The following CDK5RAP2 variants were observed in gnomAD, a reference collection of about 807,000 sequenced individuals.
The protein encoded by CDK5RAP2 is CDK5 regulatory subunit-associated protein 2.
CDK5RAP2 carries 147 observed loss-of-function variants against 232.9 expected under a neutral mutation model. That is an observed-to-expected ratio of 0.63 (90% CI 0.55 to 0.72). The LOEUF (loss-of-function observed/expected upper bound fraction) is 0.72. Among genes scored for constraint, CDK5RAP2 ranks in the 30% least tolerant of loss-of-function variants. CDK5RAP2 has a pLI of 0.00. For synonymous variants in CDK5RAP2, 833 were observed against 833.7 expected, an observed-to-expected ratio of 1.00 and a Z score of 0.01; for missense variants, 2,195 against 2,231.5, an observed-to-expected ratio of 0.98 and a Z score of 0.33.
chr9:120,491,722 CAGAA>C (rs1261979328), intron 12 of CDK5RAP2, among the ~76,000 whole-genome samples: 1 of 151,900 alleles, frequency 6.6e-6, no homozygotes, highest in African/African-American at 2.4e-5. Context: ...GCTGGAAAAC[CAGAA>C]AGAAACTAGA....
At chr9:120,413,834 G>GGGAA (rs1165746229) in intron 28 of CDK5RAP2, among the ~76,000 whole-genome samples, 31 of 148,952 alleles carry the variant, frequency 2.1e-4, no homozygotes, top group East Asian at 4.0e-4. Flanking sequence ...GGAGGGAGGA[G>GGGAA]GGAGGAGGGA....
At chr9:120,501,213 C>T (rs2039559947) in intron 12 of CDK5RAP2, among the ~76,000 whole-genome samples, 1 of 152,208 alleles carries the variant, frequency 6.6e-6, no homozygotes, top group African/African-American at 2.4e-5. Context: ...TCCTCTTACA[C>T]ACCAGGTCAG....
Position 120,453,892 on chromosome 9 carries a change from AG to A in CDK5RAP2, c.2376-20del. On this transcript the variant is annotated intron_variant, in intron 20 of 37. Coordinates refer to ENST00000349780, the MANE Select transcript of CDK5RAP2 (RefSeq NM_018249.6). ...GTCTGGCCTGTTTTTCCAAAAGGGA[AG>A]GAAGTGGGAGAACCAAGCTTTCTGC... The A allele has an allele frequency of 1.2e-6, 2 of 1,613,640 alleles. No individual in the cohort carries two copies. The highest frequency in any genetic ancestry group is 1.7e-6 in the Non-Finnish European group (2 of 1,179,694).
chr9:120,516,792 G>A (rs981568835), intron 12 of CDK5RAP2, among the ~76,000 whole-genome samples: 2 of 152,210 alleles, frequency 1.3e-5, no homozygotes, highest in African/African-American at 2.4e-5. Context: ...GCATGCCACC[G>A]CACTCCAGTC....
intron 32 of CDK5RAP2, among the ~76,000 whole-genome samples, 165 bp from the exon 33 acceptor site, chr9:120,404,278 G>C (rs1384033726): frequency 6.6e-6 from 1 of 152,156 alleles, no homozygotes; most frequent in Non-Finnish European, 1.5e-5. Flanking sequence ...ACCTTTGTGG[G>C]ACACCAGGGA....
chr9:120,399,055 G>A (rs1307732391), intron 35 of CDK5RAP2, among the ~76,000 whole-genome samples: 1 of 152,146 alleles, frequency 6.6e-6, no homozygotes, highest in East Asian at 1.9e-4. Flanking sequence ...CATCTCAAAG[G>A]TCCTTTTTCT....
rs1199464590 is a variant in CDK5RAP2 at position 120,409,146 on chromosome 9, T to C, written c.4585A>G (p.Ser1529Gly). ...CACTACCTGCTCAGCTCCTGGCCGC[T>C]GCAGCGGACCTCCTGGATCAGCTGC... is the stretch of plus-strand genomic sequence containing the variant. ...NQQLIQEVRC[S>G]GQELSRVQEE... The change falls in exon 30 of 38, where the codon AGC (serine) becomes GGC (glycine). Residue 1529 changes from serine to glycine, a missense_variant. Ser to Gly is a moderately conservative substitution (Grantham distance 56). Coordinates refer to ENST00000349780, the MANE Select transcript of CDK5RAP2 (RefSeq NM_018249.6). The C allele has an allele frequency of 6.2e-7, 1 of 1,612,354 alleles. No homozygotes were observed. Among genetic ancestry groups the C allele is most frequent in the Non-Finnish European group, 8.5e-7 (1 of 1,179,994 alleles).
At chr9:120,486,575 G>A (rs1272205427) in intron 14 of CDK5RAP2, among the ~76,000 whole-genome samples, 2 of 152,170 alleles carry the variant, frequency 1.3e-5, no homozygotes, top group Non-Finnish European at 2.9e-5. Flanking sequence ...TACCCCAGAA[G>A]TGCCTGCCCA....
chr9:120,408,583 A>C, intron 30 of CDK5RAP2, 115 bp from the exon 31 acceptor site: 1 of 1,129,400 alleles, frequency 8.9e-7, no homozygotes, highest in Non-Finnish European at 1.3e-6. Flanking sequence ...TGGACCAAGA[A>C]GTGACAAGCA....
chr9:120,468,765 G>C (rs1208436114), intron 17 of CDK5RAP2, among the ~76,000 whole-genome samples: 8 of 152,232 alleles, frequency 5.3e-5, no homozygotes, highest in Non-Finnish European at 4.4e-5. Flanking sequence ...CCTGGGTCTT[G>C]CGAGGCCACA....
At position 120,550,909 on chromosome 9, in the gene CDK5RAP2, A is replaced by T. The variant is rs1335701646; in HGVS notation, c.196-7T>A. On this transcript the variant is annotated splice_region_variant and splice_polypyrimidine_tract_variant and intron_variant, in intron 3 of 37. Coordinates refer to ENST00000349780, the MANE Select transcript of CDK5RAP2 (RefSeq NM_018249.6). ...TCTTCAATTCAGTGATTTGCTGAAA[A>T]ATATCACAGAAGGGTCATCAAAAGC... 1 of 1,528,490 alleles carries T rather than the reference A, an allele frequency of 6.5e-7. No homozygotes were observed. The highest frequency in any genetic ancestry group is 9.1e-7 in the Non-Finnish European group (1 of 1,101,858). The allele number at this position is 1,528,490 out of a possible 1,614,324, so 94.7% of individuals were successfully genotyped here.
In CDK5RAP2 at chr9:120,407,194, A is replaced by C. The variant is rs2033511095; in HGVS notation, c.4781T>G (p.Leu1594Arg). ...GQDPFRDLHS[L>R]LMEIQALRLQ... Reference sequence around the variant, plus strand: ...GCGCAGAGCCTGGATCTCCATCAGGAGGCTGTGCAGGTCCCTGAAAGGATC... The same window carrying C: ...GCGCAGAGCCTGGATCTCCATCAGGCGGCTGTGCAGGTCCCTGAAAGGATC... The change falls in exon 32 of 38, where the codon CTC (leucine) becomes CGC (arginine). Residue 1594 changes from leucine to arginine, a missense_variant. Transcript: ENST00000349780. 6.2e-7 allele frequency: 1 copy of C among 1,613,778 alleles called. No homozygotes were observed. The highest frequency in any genetic ancestry group is 1.3e-5 in the African/African-American group (1 of 75,044).
chr9:120,519,582 C>CA (rs2040527615), intron 11 of CDK5RAP2, among the ~76,000 whole-genome samples: 1 of 152,202 alleles, frequency 6.6e-6, no homozygotes, highest in Non-Finnish European at 1.5e-5. Context: ...CAATCCTACA[C>CA]AAAAAATACT....
chr9:120,451,064 G>A lies in CDK5RAP2; in HGVS notation c.2793+2392C>T, dbSNP rs144066926. On this transcript the variant is annotated intron_variant, in intron 21 of 37. Coordinates refer to ENST00000349780, the MANE Select transcript of CDK5RAP2 (RefSeq NM_018249.6). ...TCTTTATTCCTGGATCCAAATCTGT[G>A]TGTCATATGGCAGCAGAAAACATAT... Among the ~76,000 whole-genome samples the A allele has an allele frequency of 1.3e-3, 203 of 152,348 alleles. 2 individuals carry two copies. Among genetic ancestry groups the A allele is most frequent in the African/African-American group, 4.2e-3 (175 of 41,580 alleles).
At chr9:120,505,994 A>G (rs1431886027) in intron 12 of CDK5RAP2, among the ~76,000 whole-genome samples, 1 of 152,244 alleles carries the variant, frequency 6.6e-6, no homozygotes, top group Non-Finnish European at 1.5e-5. Context: ...TAGCTACACT[A>G]AACAGGTTTT....
chr9:120,570,806 T>G (rs13301996), intron 2 of CDK5RAP2, among the ~76,000 whole-genome samples: 27,632 of 152,036 alleles, frequency 0.18, 2,620 homozygotes, highest in Middle Eastern at 0.29. Context: ...ACCACTGCAC[T>G]CCAGCCTGGG....
intron 7 of CDK5RAP2, among the ~76,000 whole-genome samples, chr9:120,534,644 T>C (rs965336935): frequency 6.6e-6 from 1 of 152,340 alleles, no homozygotes; most frequent in Non-Finnish European, 1.5e-5. Flanking sequence ...CTGCTCAGCA[T>C]CTGTCAGGAC....
intron 1 of CDK5RAP2, among the ~76,000 whole-genome samples, chr9:120,575,842 C>G (rs530874395): frequency 9.8e-5 from 15 of 152,296 alleles, no homozygotes; most frequent in African/African-American, 3.4e-4. Context: ...TGCAATCAAA[C>G]AGTATACATC....
At chr9:120,425,234 C>T (rs2131395927) in intron 25 of CDK5RAP2, among the ~76,000 whole-genome samples, 1 of 152,314 alleles carries the variant, frequency 6.6e-6, no homozygotes, top group Middle Eastern at 3.4e-3. Flanking sequence ...TCAACAACAA[C>T]TGTATTCCAC....
Sources: gnomAD v4.1 joint callset for allele counts (sites outside exome capture counted in the v4.1 genomes callset) on GRCh38, gnomAD v4.1.1 for gene constraint, MANE v1.5 for transcripts, NCBI Gene and HGNC (gene_info 2026-07-23, HGNC 2026-07-21) for gene names.